PES1: variants seen among roughly 807,000 people sequenced by gnomAD.
PES1 encodes pescadillo ribosomal biogenesis factor 1.
A neutral mutation model predicts 77.1 loss-of-function variants in PES1; 31 were observed. The observed-to-expected ratio is 0.40, with a 90% CI of 0.30 to 0.54. The LOEUF (loss-of-function observed/expected upper bound fraction) is 0.54, where lower values mean the gene tolerates loss of function less well. Ranked by LOEUF, PES1 falls within the 20% of genes least tolerant of loss-of-function variation. The pLI is 0.45. For synonymous variants in PES1, 282 were observed against 303.0 expected (o/e 0.93, Z 0.72); for missense variants, 658 against 771.7 (o/e 0.85, Z 1.75).
At chr22:30,606,938 G>T in exon 1 of PES1, 2 of 1,041,564 alleles carry the variant, frequency 1.9e-6, no homozygotes, top group Middle Eastern at 8.9e-4. Flanking sequence ...AACAGCTGGG[G>T]GGACAGCAGA....
intron 2 of PES1, among the ~76,000 whole-genome samples, chr22:30,599,305 GT>G (rs35307091): frequency 0.41 from 61,940 of 151,876 alleles, 12,980 homozygotes; most frequent in East Asian, 0.72. Context: ...ATTGGTCAAA[GT>G]TTTTTTACAT....
intron 1 of PES1, chr22:30,605,577 G>A: frequency 4.0e-6 from 3 of 758,156 alleles, no homozygotes; most frequent in Non-Finnish European, 4.8e-6. Flanking sequence ...GGGGAGCCAA[G>A]GCAGTCCCAC....
At chr22:30,592,405 T>C (rs1041672858), upstream of PES1, 7 of 986,848 alleles carry the variant, frequency 7.1e-6, no homozygotes, top group Admixed American at 1.8e-4. Context: ...GCGGCTAAAA[T>C]AGAAAAAAGG....
At chr22:30,581,289 C>G (rs1356932339) in intron 8 of PES1, 45 bp downstream of exon 8, 1 of 1,592,288 alleles carries the variant, frequency 6.3e-7, no homozygotes, top group Non-Finnish European at 8.6e-7. Context: ...GGGACAGAGA[C>G]CACTCCCTTG....
chr22:30,605,789 C>T (rs1227377648), intron 1 of PES1, among the ~76,000 whole-genome samples: 2 of 152,230 alleles, frequency 1.3e-5, no homozygotes, highest in Non-Finnish European at 2.9e-5. Context: ...CGTAAACAGA[C>T]ACACGTTGCT....
At chr22:30,586,974 C>T (rs1210116963) in intron 4 of PES1, 9 of 325,420 alleles carry the variant, frequency 2.8e-5, no homozygotes, top group South Asian at 2.3e-4. Context: ...ACCAGGTACC[C>T]GTCGTGCCTT....
rs993493445 is a variant in PES1 at position 30,597,056 on chromosome 22, C to T, written c.-660-4658G>A. Among the ~76,000 whole-genome samples the T allele has an allele frequency of 6.6e-5, 10 of 152,200 alleles. 1 individual carries two copies. The highest frequency in any genetic ancestry group is 3.9e-4 in the Admixed American group (6 of 15,290). ...AGGTTCCCCAGCAGTGCCGGCCCAC[C>T]GGCGCTGCGCTCAATTTCTCCCTGG... On this transcript the variant is annotated intron_variant, in intron 2 of 16. Transcript: ENST00000402281.
At chr22:30,605,378 G>C in intron 2 of PES1, 1 of 797,440 alleles carries the variant, frequency 1.3e-6, no homozygotes, top group South Asian at 5.7e-5. Flanking sequence ...GTAGGCAGGG[G>C]GGTGTCTCCC....
At chr22:30,605,591 G>T (rs2145524816) in intron 1 of PES1, 1 of 514,488 alleles carries the variant, frequency 1.9e-6, no homozygotes, top group Non-Finnish European at 2.5e-6. Flanking sequence ...GTCCCACCCA[G>T]GACCAAGGTG....
intron 4 of PES1, chr22:30,585,088 G>A (rs112822423): frequency 0.036 from 13,902 of 389,368 alleles, 320 homozygotes; most frequent in Non-Finnish European, 0.047. Flanking sequence ...TCTACAGGGA[G>A]GTCCAAAATG....
At chr22:30,587,959 G>A in intron 3 of PES1, 62 bp downstream of exon 3, 1 of 1,552,446 alleles carries the variant, frequency 6.4e-7, no homozygotes, top group Non-Finnish European at 8.9e-7. Flanking sequence ...CAAGGTCACA[G>A]TTAGTTAGTG....
Position 30,590,602 on chromosome 22 carries a change from C to T in PES1, c.24+1208G>A, listed in dbSNP as rs76630618. ...TACCTTATGCCACACTTATCTCTGT[C>T]ACCATGCTTATCCTTATAAATGTTA... On this transcript the variant is annotated intron_variant, in intron 1 of 14. Transcript: ENST00000354694. 3.1e-3 allele frequency among the ~76,000 whole-genome samples: 472 copies of T among 152,292 alleles called. 5 individuals are homozygous for T. The highest frequency in any genetic ancestry group is 0.011 in the African/African-American group (444 of 41,568).
At chr22:30,603,134 C>T (rs542430984) in intron 2 of PES1, among the ~76,000 whole-genome samples, 3 of 152,102 alleles carry the variant, frequency 2.0e-5, no homozygotes, top group African/African-American at 7.2e-5. Context: ...TGGTCTCGAA[C>T]TCCTGACCTC....
At chr22:30,580,508 G>C in intron 10 of PES1, 63 bp downstream of exon 10, 1 of 1,595,224 alleles carries the variant, frequency 6.3e-7, no homozygotes, top group Non-Finnish European at 8.6e-7. Flanking sequence ...TGGGCACCAG[G>C]GCAGGACCCA....
rs145900824 is a variant in PES1 at position 30,601,242 on chromosome 22, TAGAC to T, written c.-661+4215_-661+4218del. The stretch of plus-strand genomic sequence containing the variant: ...AACCATGTGGAACAGCTGGTATTGT[TAGAC>T]AGCTTTGAAAACACAATCTGACACA... On this transcript the variant is annotated intron_variant, in intron 2 of 16. Transcript: ENST00000402281. Among the ~76,000 whole-genome samples, 1,448 of 152,332 alleles carry T rather than the reference TAGAC, an allele frequency of 9.5e-3. 27 individuals are homozygous for T. The highest frequency in any genetic ancestry group is 0.033 in the African/African-American group (1,353 of 41,566).
chr22:30,579,425 T>A, intron 12 of PES1, 122 bp from the exon 13 acceptor site: 3 of 1,494,170 alleles, frequency 2.0e-6, no homozygotes. Context: ...AGTTCAGGGA[T>A]GTCCCAATTG....
chr22:30,584,226 C>G, intron 6 of PES1, 139 bp downstream of exon 6: 1 of 679,972 alleles, frequency 1.5e-6, no homozygotes, highest in Admixed American at 2.3e-5. Flanking sequence ...GTGGCACATT[C>G]TGCCGCGCCT....
chr22:30,579,974 C>T, intron 11 of PES1, 39 bp from the exon 12 acceptor site: 2 of 1,611,294 alleles, frequency 1.2e-6, no homozygotes, highest in Non-Finnish European at 1.7e-6. Flanking sequence ...TCACAGAGGG[C>T]AACTCAGGGT....
intron 12 of PES1, 152 bp from the exon 13 acceptor site, chr22:30,579,455 C>T: frequency 7.9e-7 from 1 of 1,264,976 alleles, no homozygotes; most frequent in African/African-American, 1.5e-5. Flanking sequence ...CTTGCACCTC[C>T]CCACAGCCCA....
Sources: gnomAD v4.1 joint callset for allele counts (sites outside exome capture counted in the v4.1 genomes callset) on GRCh38, gnomAD v4.1.1 for gene constraint, MANE v1.5 for transcripts, NCBI Gene and HGNC (gene_info 2026-07-23, HGNC 2026-07-21) for gene names.